MAP4K5: variants seen among roughly 807,000 people sequenced by gnomAD.
The protein encoded by MAP4K5 is mitogen-activated protein kinase kinase kinase kinase 5, also known as MAPK/ERK kinase kinase kinase 5.
Under a neutral mutation model 135.6 loss-of-function variants are expected in MAP4K5, and 82 were observed. That is an observed-to-expected ratio of 0.60 (90% CI 0.51 to 0.73). The LOEUF (loss-of-function observed/expected upper bound fraction) is 0.73. Ranked by LOEUF, MAP4K5 falls within the 30% of genes least tolerant of loss-of-function variation. The pLI, the probability that MAP4K5 is intolerant of heterozygous loss-of-function variation, is 0.00. For synonymous variants in MAP4K5, 347 were observed against 335.0 expected, an observed-to-expected ratio of 1.04 and a Z score of -0.39; for missense variants, 907 against 1,010.9, an observed-to-expected ratio of 0.90 and a Z score of 1.39.
In MAP4K5 at chr14:50,419,306, T is replaced by C. The variant is rs1196484385; in HGVS notation, c.*713A>G. The C allele has an allele frequency of 6.6e-6, 1 of 152,196 alleles. No individual in the cohort carries two copies. The highest frequency in any genetic ancestry group is 6.5e-5 in the Admixed American group (1 of 15,284). The allele number at this position is 152,196 out of a possible 1,614,324, so 9.4% of individuals were successfully genotyped here. A position where few individuals can be genotyped will look rare whatever the true frequency, so the allele number is the denominator to read the frequency against. On this transcript the variant is annotated 3_prime_UTR_variant, in exon 33 of 33. Transcript: ENST00000682126. ...TATCTTCTGTATGATCCCTTACAAC[T>C]ATCTGTAGTTGAAAACATAAGACTC... is the stretch of plus-strand genomic sequence containing the variant.
chr14:50,480,443 C>T (rs1225281447), intron 6 of MAP4K5, among the ~76,000 whole-genome samples: 1 of 151,594 alleles, frequency 6.6e-6, no homozygotes, highest in Non-Finnish European at 1.5e-5. Flanking sequence ...TCCCCACTCC[C>T]CTCCGACCAT....
intron 2 of MAP4K5, among the ~76,000 whole-genome samples, chr14:50,529,217 T>A (rs1001006500): frequency 6.0e-5 from 9 of 150,854 alleles, no homozygotes; most frequent in African/African-American, 1.7e-4. Flanking sequence ...ACCTCCTCTC[T>A]ACTAAAAAAA....
At chr14:50,540,175 A>G (rs1224943794) in intron 2 of MAP4K5, among the ~76,000 whole-genome samples, 2 of 152,250 alleles carry the variant, frequency 1.3e-5, no homozygotes, top group African/African-American at 4.8e-5. Context: ...CACAGTTACT[A>G]TAATAACCTT....
rs1432011716 is a variant in MAP4K5 at position 50,468,578 on chromosome 14, T to G, written c.674+73A>C. On this transcript the variant is annotated intron_variant, in intron 10 of 32. Coordinates refer to ENST00000682126, the MANE Select transcript of MAP4K5 (RefSeq NM_006575.6). ...TTTTCATTCTTAAAAATGAGCTTGATGCTGAGTTATCAGCATTTCACTTTC... is the reference window on the plus strand; with the variant it reads ...TTTTCATTCTTAAAAATGAGCTTGAGGCTGAGTTATCAGCATTTCACTTTC... The G allele has an allele frequency of 4.1e-6, 6 of 1,448,312 alleles. No homozygotes were observed. In the Admixed American group the frequency reaches 1.1e-4, roughly 27 times the overall value. 89.7% of individuals were successfully genotyped at this position (1,448,312 alleles called of 1,614,324 possible). A position where few individuals can be genotyped will look rare whatever the true frequency, so the allele number is the denominator to read the frequency against.
intron 2 of MAP4K5, among the ~76,000 whole-genome samples, chr14:50,508,975 C>G (rs2037872234): frequency 6.6e-6 from 1 of 152,052 alleles, no homozygotes; most frequent in African/African-American, 2.4e-5. Flanking sequence ...AGACTTGGAA[C>G]CAACCCAAAT....
chr14:50,462,973 C>T (rs1233842532), intron 12 of MAP4K5, among the ~76,000 whole-genome samples, 192 bp from the exon 13 acceptor site: 2 of 151,962 alleles, frequency 1.3e-5, no homozygotes, highest in Admixed American at 1.3e-4. Flanking sequence ...ACTGAAGAGC[C>T]TTTGTAGGGT....
At chr14:50,560,399 C>T (rs1375456659) in intron 1 of MAP4K5, 2 of 1,467,952 alleles carry the variant, frequency 1.4e-6, no homozygotes, top group Non-Finnish European at 1.9e-6. Context: ...TGCTAGGTGC[C>T]TGCGTCCACG....
intron 3 of MAP4K5, among the ~76,000 whole-genome samples, chr14:50,500,373 T>C (rs1418657261): frequency 6.6e-6 from 1 of 152,166 alleles, no homozygotes. Context: ...ACCAGGAGCC[T>C]TCAGAGCAAA....
chr14:50,467,487 A>G (rs8019158), intron 10 of MAP4K5, among the ~76,000 whole-genome samples: 131,050 of 151,948 alleles, frequency 0.86, 58,259 homozygotes, highest in Non-Finnish European at 0.96. Context: ...TAGTATTTAT[A>G]ATTTTTTTCA....
chr14:50,559,680 C>G (rs1211220878), intron 1 of MAP4K5: 1 of 152,524 alleles, frequency 6.6e-6, no homozygotes, highest in Non-Finnish European at 1.5e-5. Context: ...AGACAAACTA[C>G]TCAGTATACA....
rs1439371545 is a variant in MAP4K5, at chr14:50,456,565, T to C, written c.966A>G (p.Arg322=). The C allele has an allele frequency of 1.3e-6, 2 of 1,578,056 alleles. No individual in the cohort carries two copies. The highest frequency in any genetic ancestry group is 2.7e-5 in the African/African-American group (2 of 74,198). Reference sequence around the variant, plus strand: ...CAGCTCTGGCATTCCTGTTTGTAGATCTAATGGTATGACGAATGATTGCAT... The same window carrying C: ...CAGCTCTGGCATTCCTGTTTGTAGACCTAATGGTATGACGAATGATTGCAT... ...EPHAIIRHTI[R]STNRNARAER... The change falls in exon 14 of 33, where the codon AGA becomes AGG. Residue 322 remains arginine (R), a synonymous_variant. Coordinates refer to ENST00000682126, the MANE Select transcript of MAP4K5 (RefSeq NM_006575.6).
chr14:50,486,266 T>C, intron 3 of MAP4K5, 72 bp from the exon 4 acceptor site: 1 of 586,596 alleles, frequency 1.7e-6, no homozygotes, highest in East Asian at 3.3e-5. Flanking sequence ...AGGAAAACTT[T>C]ACAATAAATA....
intron 21 of MAP4K5, among the ~76,000 whole-genome samples, chr14:50,440,890 A>C (rs1271439505): frequency 6.6e-6 from 1 of 152,178 alleles, no homozygotes; most frequent in Non-Finnish European, 1.5e-5. Context: ...TTAGAGAAAG[A>C]CTGCTTCCAA....
chr14:50,525,284 C>T (rs2038239411), intron 2 of MAP4K5, among the ~76,000 whole-genome samples: 1 of 152,190 alleles, frequency 6.6e-6, no homozygotes, highest in Non-Finnish European at 1.5e-5. Context: ...CTGTTGATAG[C>T]ATCAATGTAG....
rs747411640 is a variant in MAP4K5, at chr14:50,532,026, G to A, written c.24C>T (p.Ala8=). 2.5e-6 allele frequency: 4 copies of A among 1,583,716 alleles called. No individual in the cohort carries two copies. The highest frequency in any genetic ancestry group is 3.4e-6 in the Non-Finnish European group (4 of 1,164,028). ...GCGGGTTCCGCCTCAGGATGTCCGC[G>A]GCAGGCCGCAGCGGGGCCTCCATCT... The part of the protein sequence containing the change: MEAPLRP[A]ADILRRNPQQ... The change falls in exon 2 of 33, where the codon GCC becomes GCT. Residue 8 remains alanine, a synonymous_variant. Transcript: ENST00000682126.
At chr14:50,504,965 T>TA in intron 2 of MAP4K5, 108 bp from the exon 3 acceptor site, 1 of 615,492 alleles carries the variant, frequency 1.6e-6, no homozygotes, top group East Asian at 3.3e-5. Flanking sequence ...TTATCAAAAC[T>TA]AAAAAACAAA....
intron 31 of MAP4K5, among the ~76,000 whole-genome samples, chr14:50,424,872 T>C (rs2035813264): frequency 6.6e-6 from 1 of 152,118 alleles, no homozygotes; most frequent in Non-Finnish European, 1.5e-5. Flanking sequence ...AGTAGGACTG[T>C]AGGTTTCATC....
At chr14:50,496,219 G>A (rs138140367) in intron 3 of MAP4K5, among the ~76,000 whole-genome samples, 114 of 151,956 alleles carry the variant, frequency 7.5e-4, no homozygotes, top group Non-Finnish European at 1.4e-3. Context: ...CCAGGTACTC[G>A]GGAGGCTGAG....
At chr14:50,507,325 G>T (rs896320446) in intron 2 of MAP4K5, among the ~76,000 whole-genome samples, 2 of 152,122 alleles carry the variant, frequency 1.3e-5, no homozygotes, top group African/African-American at 2.4e-5. Flanking sequence ...CTGATTTTTT[G>T]AAGGGTTTTT....
Sources: allele counts gnomAD v4.1 joint callset (sites outside exome capture counted in the v4.1 genomes callset), GRCh38; gene constraint gnomAD v4.1.1; transcripts MANE v1.5; gene names NCBI Gene and HGNC (gene_info 2026-07-23, HGNC 2026-07-21).